DOCK8: variants seen among roughly 807,000 people sequenced by gnomAD.
The protein encoded by DOCK8 is dedicator of cytokinesis 8.
Under a neutral mutation model 245.6 loss-of-function variants are expected in DOCK8, and 141 were observed. The ratio of observed to expected loss-of-function variants is 0.57; its 90% confidence interval spans 0.50 to 0.66. DOCK8 has a LOEUF of 0.66. DOCK8 is among the 30% of genes least tolerant of loss of function. The pLI is 0.00. For synonymous variants in DOCK8, 1,168 were observed against 970.2 expected, an observed-to-expected ratio of 1.20 and a Z score of -3.79; for missense variants, 2,965 against 2,603.4, an observed-to-expected ratio of 1.14 and a Z score of -3.02.
At chr9:281,714 G>C (rs758712877) in intron 2 of DOCK8, among the ~76,000 whole-genome samples, 6 of 152,012 alleles carry the variant, frequency 3.9e-5, no homozygotes, top group Non-Finnish European at 7.4e-5. Context: ...ACTCCTGATA[G>C]TTTAGAGAAC....
chr9:439,449 C>T, intron 40 of DOCK8, 61 bp downstream of exon 40: 2 of 1,597,932 alleles, frequency 1.3e-6, no homozygotes, highest in African/African-American at 1.3e-5. Flanking sequence ...ACTTGGGGTG[C>T]TGGGAACACC....
rs180868840 is a variant in DOCK8 at position 304,983 on chromosome 9, C to T, written c.528+279C>T. 2.2e-3 allele frequency among the ~76,000 whole-genome samples: 336 copies of T among 152,258 alleles called. 1 individual carries two copies. The highest frequency in any genetic ancestry group is 4.1e-3 in the Non-Finnish European group (280 of 68,024). On this transcript the variant is annotated intron_variant, in intron 5 of 47. Transcript: ENST00000432829. ...CTTGGGCCCATCCCTACGACAGTTC[C>T]TGCAGAGACTCTTGGTGCCCCTAAG...
intron 5 of DOCK8, among the ~76,000 whole-genome samples, chr9:308,125 C>G (rs941883794): frequency 5.3e-5 from 8 of 152,128 alleles, no homozygotes; most frequent in African/African-American, 1.9e-4. Context: ...GGAATAAGTT[C>G]TAGTATTTGA....
intron 1 of DOCK8, among the ~76,000 whole-genome samples, chr9:243,615 A>T (rs2047430112): frequency 6.6e-6 from 1 of 152,150 alleles, no homozygotes; most frequent in Non-Finnish European, 1.5e-5. Flanking sequence ...AGGGGGCTCC[A>T]ATTTGGACCA....
At chr9:326,383 A>C (rs1001324075) in intron 8 of DOCK8, among the ~76,000 whole-genome samples, 1 of 152,194 alleles carries the variant, frequency 6.6e-6, no homozygotes, top group Non-Finnish European at 1.5e-5. Flanking sequence ...GTTAACTGCT[A>C]AAACAAGCAG....
chr9:420,832 C>G, intron 31 of DOCK8, 117 bp from the exon 32 acceptor site: 2 of 1,428,396 alleles, frequency 1.4e-6, no homozygotes, highest in Non-Finnish European at 2.0e-6. Context: ...AGCAGCATCT[C>G]AGTGAAGCAC....
intron 27 of DOCK8, among the ~76,000 whole-genome samples, chr9:405,661 T>C (rs1373310738): frequency 1.3e-5 from 2 of 152,202 alleles, no homozygotes; most frequent in East Asian, 1.9e-4. Context: ...ATTCCATTTA[T>C]AGGGAACACA....
chr9:451,148 G>A (rs145307779), intron 45 of DOCK8, among the ~76,000 whole-genome samples: 8,609 of 150,956 alleles, frequency 0.057, 318 homozygotes, highest in South Asian at 0.18. Flanking sequence ...CCCCATCTCT[G>A]CTAAAAATAC....
At chr9:349,085 C>T (rs1329428666) in intron 14 of DOCK8, among the ~76,000 whole-genome samples, 1 of 152,192 alleles carries the variant, frequency 6.6e-6, no homozygotes, top group Non-Finnish European at 1.5e-5. Flanking sequence ...ATATGAGATG[C>T]TGTGTCAGGG....
intron 30 of DOCK8, 44 bp downstream of exon 30, chr9:418,251 C>G (rs1169163829): frequency 1.2e-6 from 2 of 1,609,994 alleles, no homozygotes; most frequent in African/African-American, 2.7e-5. Flanking sequence ...CATTTCATGT[C>G]TTCTGTCTTC....
intron 1 of DOCK8, among the ~76,000 whole-genome samples, chr9:249,803 T>C (rs981631844): frequency 2.0e-5 from 3 of 150,020 alleles, no homozygotes; most frequent in Admixed American, 1.3e-4. Context: ...TTTTTTTGTA[T>C]TTTTAGTGGG....
intron 18 of DOCK8, among the ~76,000 whole-genome samples, chr9:373,592 G>T (rs888880403): frequency 6.6e-6 from 1 of 152,172 alleles, no homozygotes; most frequent in African/African-American, 2.4e-5. Flanking sequence ...GCAATTTTAA[G>T]TTGAAGAATT....
chr9:365,759 A>T, intron 14 of DOCK8: 1 of 418,690 alleles, frequency 2.4e-6, no homozygotes, highest in South Asian at 1.7e-5. Context: ...GAACACCCTC[A>T]ATCCCGCTTA....
intron 1 of DOCK8, among the ~76,000 whole-genome samples, chr9:258,207 G>C (rs906415433): frequency 1.8e-4 from 28 of 152,310 alleles, no homozygotes; most frequent in African/African-American, 6.3e-4. Flanking sequence ...AGCTTGAATA[G>C]CAGAGGCTGG....
chr9:351,998 G>T (rs551446803), intron 14 of DOCK8, among the ~76,000 whole-genome samples: 7 of 152,214 alleles, frequency 4.6e-5, no homozygotes, highest in Non-Finnish European at 8.8e-5. Context: ...TGATTCATAT[G>T]CATGTTTGGT....
chr9:264,666 T>C (rs1459724811), intron 1 of DOCK8, among the ~76,000 whole-genome samples: 1 of 152,228 alleles, frequency 6.6e-6, no homozygotes, highest in African/African-American at 2.4e-5. Context: ...TAGATATATG[T>C]GTAGATATAT....
At chr9:307,247 T>C (rs2049876304) in intron 5 of DOCK8, among the ~76,000 whole-genome samples, 2 of 149,870 alleles carry the variant, frequency 1.3e-5, no homozygotes, top group South Asian at 2.1e-4. Context: ...CCAGAAACAA[T>C]AGGTGAAGAC....
At position 434,879 on chromosome 9, in the gene DOCK8, T is replaced by C; in HGVS notation, c.4983T>C (p.Ala1661=). Residue 1661 remains alanine, a synonymous_variant, in exon 39 of 48, where the codon GCT becomes GCC. Transcript: ENST00000432829. ...CCAAGAAGAAGTGCTACACGGAGGC[T>C]GCCATGTGCCTGGTGCACGCCGCTG... ...KHTKKKCYTE[A]AMCLVHAAAL... The C allele has an allele frequency of 6.2e-7, 1 of 1,614,050 alleles. No homozygotes were observed.
At chr9:416,882 G>T (rs962595095) in intron 29 of DOCK8, among the ~76,000 whole-genome samples, 4 of 152,228 alleles carry the variant, frequency 2.6e-5, no homozygotes, top group African/African-American at 4.8e-5. Context: ...CAATTAAGGG[G>T]AAATAAGAAT....
Sources: gnomAD v4.1 joint callset for allele counts (sites outside exome capture counted in the v4.1 genomes callset) on GRCh38, gnomAD v4.1.1 for gene constraint, MANE v1.5 for transcripts, NCBI Gene and HGNC (gene_info 2026-07-23, HGNC 2026-07-21) for gene names.